Variants in TNFRSF1B observed in about 807,000 individuals in gnomAD.
TNFRSF1B encodes TNF receptor superfamily member 1B.
A neutral mutation model predicts 44.6 loss-of-function variants in TNFRSF1B; 19 were observed. The ratio of observed to expected loss-of-function variants is 0.43; its 90% CI spans 0.30 to 0.62. TNFRSF1B has a LOEUF of 0.62. Among genes scored for constraint, TNFRSF1B ranks in the 20% least tolerant of loss-of-function variants. TNFRSF1B has a pLI of 0.16. For synonymous variants in TNFRSF1B, 252 were observed against 261.1 expected (o/e 0.97, Z 0.34); for missense variants, 541 against 619.9 (o/e 0.87, Z 1.35).
intron 1 of TNFRSF1B, among the ~76,000 whole-genome samples, chr1:12,175,857 C>T (rs1638643295): frequency 6.6e-6 from 1 of 152,094 alleles, no homozygotes; most frequent in South Asian, 2.1e-4. Context: ...GAAAGGTAGG[C>T]GGGTTTAGGA....
intron 8 of TNFRSF1B, among the ~76,000 whole-genome samples, chr1:12,201,218 G>A (rs1394267751): frequency 4.4e-5 from 6 of 137,502 alleles, no homozygotes; most frequent in African/African-American, 8.4e-5. Flanking sequence ...CTATGATTGT[G>A]CCACTCCACT....
chr1:12,195,978 A>G (rs557499122), intron 8 of TNFRSF1B, among the ~76,000 whole-genome samples: 2 of 152,278 alleles, frequency 1.3e-5, no homozygotes, highest in South Asian at 4.1e-4. Context: ...CCCTATCCCT[A>G]AACAAAATTA....
At chr1:12,205,586 G>A (rs1639485047) in intron 9 of TNFRSF1B, among the ~76,000 whole-genome samples, 2 of 152,160 alleles carry the variant, frequency 1.3e-5, no homozygotes, top group South Asian at 4.1e-4. Context: ...CCACCATGCA[G>A]CAGCAGGGCA....
In TNFRSF1B at chr1:12,167,078, C is replaced by T; in HGVS notation, c.-14C>T. The T allele has an allele frequency of 7.7e-7, 1 of 1,306,572 alleles. No homozygotes were observed. The highest frequency in any genetic ancestry group is 2.1e-5 in the South Asian group (1 of 48,314). 80.9% of individuals were successfully genotyped at this position (1,306,572 alleles called of 1,614,324 possible). A position where few individuals can be genotyped will look rare whatever the true frequency, so the allele number is the denominator to read the frequency against. ...GGCGCGAGGGCAGGGGGCAACCGGA[C>T]CCCGCCCGCACCCATGGCGCCCGTC... On this transcript the variant is annotated 5_prime_UTR_variant, in exon 1 of 10. Transcript: ENST00000376259.
At chr1:12,176,626 CCA>C (rs1358222411) in intron 1 of TNFRSF1B, among the ~76,000 whole-genome samples, 1 of 152,164 alleles carries the variant, frequency 6.6e-6, no homozygotes, top group African/African-American at 2.4e-5. Flanking sequence ...CTCTCAGCCA[CCA>C]CACACACACT....
intron 1 of TNFRSF1B, chr1:12,167,600 CCACGCCGGG>C: frequency 3.7e-6 from 1 of 272,120 alleles, no homozygotes; most frequent in Non-Finnish European, 7.2e-6. Flanking sequence ...GCCCCACTGC[CCACGCCGGG>C]CACCCTCTTC....
At chr1:12,204,690 C>T (rs538443380) in intron 9 of TNFRSF1B, among the ~76,000 whole-genome samples, 14 of 152,266 alleles carry the variant, frequency 9.2e-5, no homozygotes, top group African/African-American at 3.1e-4. Context: ...TGTCCTTGGC[C>T]GGATCTCCTG....
chr1:12,195,110 A>C (rs1054544720), intron 8 of TNFRSF1B, among the ~76,000 whole-genome samples: 4 of 152,214 alleles, frequency 2.6e-5, no homozygotes, highest in Non-Finnish European at 5.9e-5. Flanking sequence ...GGAAGTGGTC[A>C]TCTCTCAGGT....
rs5745949 is a variant in TNFRSF1B, at chr1:12,167,017, G to T, written c.-75G>T. ...GTCGAGGGCTAGCGAGCGCAGCGGA[G>T]CCTGGAGAGAAGGCGCTGGGCTGCG... On this transcript the variant is annotated 5_prime_UTR_variant, in exon 1 of 10. Transcript: ENST00000376259. 690 of 1,095,354 alleles carry T rather than the reference G, an allele frequency of 6.3e-4. 3 individuals are homozygous for T. Among genetic ancestry groups the T allele is most frequent in the East Asian group, 5.8e-3 (172 of 29,486 alleles). 67.9% of individuals were successfully genotyped at this position (1,095,354 alleles called of 1,614,324 possible).
intron 1 of TNFRSF1B, among the ~76,000 whole-genome samples, chr1:12,181,771 T>C (rs905429273): frequency 5.9e-5 from 9 of 152,064 alleles, no homozygotes. Context: ...CCCTCTGCTC[T>C]CTCCAGAGGC....
At position 12,208,263 on chromosome 1, in the gene TNFRSF1B, G is replaced by C. The variant is rs1322122641; in HGVS notation, c.*1243G>C. The C allele has an allele frequency of 2.0e-5, 3 of 152,670 alleles. No homozygotes were observed. Among genetic ancestry groups the C allele is most frequent in the Non-Finnish European group, 4.4e-5 (3 of 68,094 alleles). The allele number at this position is 152,670 out of a possible 1,614,324, so 9.5% of individuals were successfully genotyped here. A position where few individuals can be genotyped will look rare whatever the true frequency, so the allele number is the denominator to read the frequency against. ...AGGAACTAGAGATGACTGAGTCCTC[G>C]TAGCCATCTCTCTACTCCTACCTCA... On this transcript the variant is annotated 3_prime_UTR_variant, in exon 10 of 10. Transcript: ENST00000376259.
rs898294661 is a variant in TNFRSF1B at position 12,178,847 on chromosome 1, G to A, written c.79-9949G>A. ...GGAGGTTGCGCAGGTGGTGGCAGCC[G>A]CTGGAAGCTTTTAAGGAGAGTCAGG... On this transcript the variant is annotated intron_variant, in intron 1 of 9. Transcript: ENST00000376259. The surrounding 1 kb of genome is among the most constrained non-coding windows in gnomAD (Gnocchi z 4.3). Among the ~76,000 whole-genome samples, 9 of 152,214 alleles carry A rather than the reference G, an allele frequency of 5.9e-5. No homozygotes were observed. Among genetic ancestry groups the A allele is most frequent in the African/African-American group, 1.4e-4 (6 of 41,522 alleles).
At chr1:12,206,628 C>G in intron 9 of TNFRSF1B, 112 bp from the exon 10 acceptor site, 1 of 1,228,380 alleles carries the variant, frequency 8.1e-7, no homozygotes, top group Non-Finnish European at 1.1e-6. Flanking sequence ...TTGGTCTCGG[C>G]TCCTGGCCCA....
chr1:12,188,088 C>T (rs1056964325), intron 1 of TNFRSF1B, among the ~76,000 whole-genome samples: 2 of 152,220 alleles, frequency 1.3e-5, no homozygotes, highest in African/African-American at 2.4e-5. Flanking sequence ...TCATAACCAA[C>T]ATTCAGCTGA....
At chr1:12,167,245 C>T (rs5745952) in intron 1 of TNFRSF1B, 76 bp downstream of exon 1, 2 of 1,106,882 alleles carry the variant, frequency 1.8e-6, no homozygotes, top group African/African-American at 1.6e-5. Context: ...TTCGGGTGCC[C>T]GGGCCGCGCT....
intron 2 of TNFRSF1B, 138 bp from the exon 3 acceptor site, chr1:12,190,819 A>G: frequency 1.0e-6 from 1 of 1,004,514 alleles, no homozygotes; most frequent in Non-Finnish European, 1.5e-6. Flanking sequence ...ATGGGAGATG[A>G]TTCTGAGGAA....
Position 12,198,109 on chromosome 1 carries a change from G to A in TNFRSF1B, c.900+3491G>A, listed in dbSNP as rs529616149. ...TGCACTCCAGCCTGGGCGATAGAGC[G>A]AGACTCCATCTCAAAAAAAAAAAAA... On this transcript the variant is annotated intron_variant, in intron 8 of 9. Coordinates refer to ENST00000376259, the MANE Select transcript of TNFRSF1B (RefSeq NM_001066.3). Among the ~76,000 whole-genome samples the A allele has an allele frequency of 6.0e-5, 8 of 133,780 alleles. No homozygotes were observed. The South Asian group carries it at 9.9e-4, about 16-fold the overall frequency. The allele number at this position is 133,780 out of a possible 152,430, so 87.8% of individuals were successfully genotyped here.
chr1:12,172,281 C>T (rs942177360), intron 1 of TNFRSF1B, among the ~76,000 whole-genome samples: 13 of 152,210 alleles, frequency 8.5e-5, no homozygotes, highest in African/African-American at 2.7e-4. Context: ...AGGCCCCGGC[C>T]TCTGAATCAG....
chr1:12,167,944 C>T (rs1312626700), intron 1 of TNFRSF1B, among the ~76,000 whole-genome samples: 3 of 152,220 alleles, frequency 2.0e-5, no homozygotes, highest in Admixed American at 6.5e-5. Flanking sequence ...TAGCAACGGG[C>T]GTACAAGGGA....
Sources: allele counts gnomAD v4.1 joint callset (sites outside exome capture counted in the v4.1 genomes callset), GRCh38; gene constraint gnomAD v4.1.1; non-coding constraint Gnocchi (gnomAD v3.1); transcripts MANE v1.5; gene names NCBI Gene and HGNC (gene_info 2026-07-23, HGNC 2026-07-21).